TRIO: variants seen among roughly 807,000 people sequenced by gnomAD.
TRIO encodes the protein trio Rho guanine nucleotide exchange factor.
TRIO carries 58 observed loss-of-function variants against 351.9 expected under a neutral mutation model. That is an observed-to-expected ratio of 0.16 (90% CI 0.13 to 0.21). The LOEUF (loss-of-function observed/expected upper bound fraction) is 0.21, where lower values mean the gene tolerates loss of function less well. Ranked by LOEUF, TRIO falls within the 10% of genes least tolerant of loss-of-function variation. The pLI is 1.00. For synonymous variants in TRIO, 1,758 were observed against 1,595.7 expected, an observed-to-expected ratio of 1.10 and a Z score of -2.42; for missense variants, 3,201 against 4,027.8, an observed-to-expected ratio of 0.79 and a Z score of 5.56.
At chr5:14,439,821 G>T (rs918751948) in intron 34 of TRIO, among the ~76,000 whole-genome samples, 15 of 152,178 alleles carry the variant, frequency 9.9e-5, no homozygotes, top group African/African-American at 3.6e-4. Context: ...ATAAATGCCA[G>T]ACTCCCCTCT....
chr5:14,485,682 C>G (rs1181944026), intron 47 of TRIO, among the ~76,000 whole-genome samples: 3 of 152,054 alleles, frequency 2.0e-5, no homozygotes, highest in Admixed American at 2.0e-4. Context: ...CCTCCTTTCC[C>G]CATTAAAAAA....
At chr5:14,403,110 T>TGTG (rs201596730) in intron 31 of TRIO, among the ~76,000 whole-genome samples, 2 of 109,112 alleles carry the variant, frequency 1.8e-5, no homozygotes, top group African/African-American at 3.6e-5. Context: ...GGGCATAGGT[T>TGTG]GTGAGGGTGC....
intron 2 of TRIO, among the ~76,000 whole-genome samples, chr5:14,278,677 A>G (rs1479747196): frequency 2.0e-5 from 3 of 152,208 alleles, no homozygotes; most frequent in African/African-American, 2.4e-5. Context: ...AATCTGTCTT[A>G]TCTTGGGGAT....
intron 1 of TRIO, among the ~76,000 whole-genome samples, chr5:14,151,319 A>G (rs945334962): frequency 5.9e-5 from 9 of 152,080 alleles, no homozygotes; most frequent in African/African-American, 1.9e-4. Context: ...ATTTACACGT[A>G]TAATCCTAAA....
intron 48 of TRIO, 174 bp downstream of exon 48, chr5:14,488,434 ACTACTC>A: frequency 7.8e-6 from 7 of 892,948 alleles, no homozygotes; most frequent in Non-Finnish European, 1.1e-5. Context: ...GGCGCTACTA[ACTACTC>A]CTTGCTTTGT....
intron 1 of TRIO, among the ~76,000 whole-genome samples, chr5:14,242,987 A>G (rs1409348037): frequency 6.6e-6 from 1 of 152,204 alleles, no homozygotes; most frequent in Non-Finnish European, 1.5e-5. Flanking sequence ...GAACAGACAC[A>G]TGCAGTGGTT....
At chr5:14,393,298 C>A (rs374041985) in intron 27 of TRIO, among the ~76,000 whole-genome samples, 3 of 152,032 alleles carry the variant, frequency 2.0e-5, no homozygotes, top group African/African-American at 7.2e-5. Flanking sequence ...ATGTACACAA[C>A]GGGTTGATGG....
chr5:14,490,916 A>G, intron 48 of TRIO: 1 of 453,774 alleles, frequency 2.2e-6, no homozygotes, highest in East Asian at 7.0e-5. Flanking sequence ...GTCCATGCTA[A>G]AAGTATAATG....
intron 6 of TRIO, among the ~76,000 whole-genome samples, chr5:14,295,428 G>A (rs758563349): frequency 1.4e-4 from 22 of 152,080 alleles, no homozygotes; most frequent in Admixed American, 5.2e-4. Context: ...ATGGAGAGAT[G>A]GAAAAAGCAT....
intron 9 of TRIO, among the ~76,000 whole-genome samples, chr5:14,317,924 C>G (rs1204695181): frequency 6.6e-6 from 1 of 151,906 alleles, no homozygotes; most frequent in African/African-American, 2.4e-5. Context: ...GTCAGGAATT[C>G]GAGACGAGCC....
chr5:14,364,974 C>T (rs1161673266), intron 15 of TRIO, among the ~76,000 whole-genome samples, 158 bp downstream of exon 15: 3 of 152,164 alleles, frequency 2.0e-5, no homozygotes, highest in African/African-American at 2.4e-5. Flanking sequence ...CACACACCCC[C>T]GCCCCCCGAT....
chr5:14,426,451 C>T (rs58260094), intron 34 of TRIO, among the ~76,000 whole-genome samples: 15,170 of 152,188 alleles, frequency 0.1, 1,366 homozygotes, highest in African/African-American at 0.24. Context: ...GCAAGTATTT[C>T]CACACAGAGG....
intron 1 of TRIO, among the ~76,000 whole-genome samples, chr5:14,192,620 A>G (rs27367): frequency 0.058 from 8,780 of 152,294 alleles, 324 homozygotes; most frequent in African/African-American, 0.1. Context: ...TGATAAAAAG[A>G]ATATAATGGG....
chr5:14,335,582 TTTTTAGAG>T (rs1368910378), intron 10 of TRIO, among the ~76,000 whole-genome samples: 2 of 152,216 alleles, frequency 1.3e-5, no homozygotes, highest in African/African-American at 4.8e-5. Flanking sequence ...ATTAAGGTGA[TTTTTAGAG>T]TATTTTAGAC....
chr5:14,456,388 A>AC (rs1579708559), intron 34 of TRIO, among the ~76,000 whole-genome samples: 1 of 152,232 alleles, frequency 6.6e-6, no homozygotes, highest in East Asian at 1.9e-4. Flanking sequence ...GGTGCTGAGA[A>AC]CGAGTGAGGG....
At chr5:14,464,810 A>G (rs1384658593) in intron 36 of TRIO, among the ~76,000 whole-genome samples, 2 of 152,030 alleles carry the variant, frequency 1.3e-5, no homozygotes, top group African/African-American at 4.8e-5. Context: ...CAGTTAATTA[A>G]CGGCTCAAGT....
In TRIO at chr5:14,209,288, C is replaced by T. The variant is rs560737212; in HGVS notation, c.158-61537C>T. On this transcript the variant is annotated intron_variant, in intron 1 of 56. Transcript: ENST00000344204. ...TTGTAAAGACCATATTGTGAACATCCTTTATGTCAGGAACTATATTTGCCA... is the reference window on the plus strand; with the variant it reads ...TTGTAAAGACCATATTGTGAACATCTTTTATGTCAGGAACTATATTTGCCA... Among the ~76,000 whole-genome samples, 35 of 152,274 alleles carry T rather than the reference C, an allele frequency of 2.3e-4. No homozygotes were observed. In the South Asian group the frequency reaches 7.0e-3, roughly 31 times the overall value.
intron 1 of TRIO, among the ~76,000 whole-genome samples, chr5:14,144,768 C>CG (rs1455236328): frequency 1.3e-5 from 2 of 151,860 alleles, no homozygotes; most frequent in African/African-American, 4.8e-5. Context: ...AGGGCGTCCC[C>CG]GGTACCCCAG....
chr5:14,463,674 C>CTT lies in TRIO; in HGVS notation c.5667+763_5667+764dup, dbSNP rs758172986. Among the ~76,000 whole-genome samples the CTT allele has an allele frequency of 3.2e-3, 436 of 137,196 alleles. 2 individuals are homozygous for CTT. Among genetic ancestry groups the CTT allele is most frequent in the African/African-American group, 0.01 (393 of 37,948 alleles). 90.0% of individuals were successfully genotyped at this position (137,196 alleles called of 152,430 possible). ...TGCTATGAAGTCATTACTGGTGATG[C>CTT]TTTTTTTTTTTTTTTGGCAGTAACT... On this transcript the variant is annotated intron_variant, in intron 36 of 56. Coordinates refer to ENST00000344204, the MANE Select transcript of TRIO (RefSeq NM_007118.4).
Sources: allele counts gnomAD v4.1 joint callset (sites outside exome capture counted in the v4.1 genomes callset), GRCh38; gene constraint gnomAD v4.1.1; transcripts MANE v1.5; gene names NCBI Gene and HGNC (gene_info 2026-07-23, HGNC 2026-07-21).